The following ARHGAP26 variants were observed in gnomAD, a reference collection of about 807,000 sequenced individuals.
ARHGAP26 encodes Rho GTPase activating protein 26.
In ARHGAP26, 38 loss-of-function variants were observed where a neutral mutation model predicts 104.8. The ratio of observed to expected loss-of-function variants is 0.36; its 90% CI spans 0.28 to 0.48. The LOEUF is 0.48. Ranked by LOEUF, ARHGAP26 falls within the 20% of genes least tolerant of loss-of-function variation. The pLI, the probability that ARHGAP26 is intolerant of heterozygous loss-of-function variation, is 0.99. For missense variants in ARHGAP26, 704 were observed against 947.9 expected, an observed-to-expected ratio of 0.74 and a Z score of 3.38; for synonymous variants, 341 against 340.0, an observed-to-expected ratio of 1.00 and a Z score of -0.03.
At chr5:142,896,217 T>A (rs917054151) in intron 6 of ARHGAP26, among the ~76,000 whole-genome samples, 3 of 152,264 alleles carry the variant, frequency 2.0e-5, no homozygotes, top group Non-Finnish European at 4.4e-5. Context: ...TTTAGCATTA[T>A]TTTTATTTGC....
At position 143,147,244 on chromosome 5, in the gene ARHGAP26, C is replaced by T. The variant is rs972664912; in HGVS notation, c.1851C>T (p.Asn617=). 1.2e-6 allele frequency: 2 copies of T among 1,613,922 alleles called. No individual in the cohort carries two copies. The highest frequency in any genetic ancestry group is 1.1e-5 in the South Asian group (1 of 91,064). Residue 617 remains asparagine (N), a synonymous_variant, in exon 20 of 23, where the codon AAC becomes AAT. Coordinates refer to ENST00000645722, the MANE Select transcript of ARHGAP26 (RefSeq NM_001135608.3). Reference sequence around the variant, plus strand: ...TTTCCCCCCCAGAGGAACAAAGGAACAGCATCATCAACTCCAGTTTGGAAT... The same window carrying T: ...TTTCCCCCCCAGAGGAACAAAGGAATAGCATCATCAACTCCAGTTTGGAAT... The part of the protein sequence containing the change: ...VQSTEKQEQR[N]SIINSSLESV...
intron 17 of ARHGAP26, among the ~76,000 whole-genome samples, chr5:143,112,011 T>C (rs1456897045): frequency 6.6e-6 from 1 of 152,192 alleles, no homozygotes; most frequent in African/African-American, 2.4e-5. Flanking sequence ...TCCTTTGTTT[T>C]CCATTCAACA....
At chr5:142,992,399 G>A (rs1049822033) in intron 11 of ARHGAP26, among the ~76,000 whole-genome samples, 3 of 151,738 alleles carry the variant, frequency 2.0e-5, no homozygotes, top group Admixed American at 2.0e-4. Context: ...TTTAAGAAGT[G>A]CAGCAGTGAT....
At chr5:143,169,288 C>T (rs1158532498) in intron 20 of ARHGAP26, among the ~76,000 whole-genome samples, 1 of 152,242 alleles carries the variant, frequency 6.6e-6, no homozygotes, top group Non-Finnish European at 1.5e-5. Flanking sequence ...AACAGAAAAC[C>T]TAGCCCAAAT....
chr5:143,142,424 G>A (rs1459855122), intron 19 of ARHGAP26, among the ~76,000 whole-genome samples: 1 of 151,890 alleles, frequency 6.6e-6, no homozygotes, highest in Non-Finnish European at 1.5e-5. Context: ...ACAAGCATGA[G>A]CCACTGCGCC....
intron 14 of ARHGAP26, among the ~76,000 whole-genome samples, chr5:143,050,660 A>G (rs1370283037): frequency 6.6e-6 from 1 of 152,242 alleles, no homozygotes; most frequent in African/African-American, 2.4e-5. Flanking sequence ...ATTAAGTGGA[A>G]ACAGCCCAGA....
chr5:143,207,849 T>G (rs1307904557), intron 21 of ARHGAP26, among the ~76,000 whole-genome samples: 1 of 152,242 alleles, frequency 6.6e-6, no homozygotes, highest in Non-Finnish European at 1.5e-5. Flanking sequence ...ATTTGTGGGG[T>G]TGGGCCCCTG....
In ARHGAP26 at chr5:143,083,087, T is replaced by G. The variant is rs6870173; in HGVS notation, c.1538+25340T>G. Among the ~76,000 whole-genome samples the G allele has an allele frequency of 4.0e-3, 608 of 152,362 alleles. 5 individuals carry two copies. The highest frequency in any genetic ancestry group is 0.014 in the African/African-American group (579 of 41,584). ...ATACAGCAGTCGAAGGCAGTCTCTA[T>G]GTATCTTGGGGAAGCTAGAGCTGGA... On this transcript the variant is annotated intron_variant, in intron 17 of 22. Coordinates refer to ENST00000645722, the MANE Select transcript of ARHGAP26 (RefSeq NM_001135608.3).
intron 18 of ARHGAP26, among the ~76,000 whole-genome samples, chr5:143,121,501 C>T (rs1054462540): frequency 1.3e-5 from 2 of 152,218 alleles, no homozygotes; most frequent in African/African-American, 4.8e-5. Context: ...ATTTTGGAAA[C>T]ATGCTTTGCC....
intron 11 of ARHGAP26, among the ~76,000 whole-genome samples, chr5:142,932,889 A>G (rs777017801): frequency 5.8e-4 from 88 of 152,340 alleles, no homozygotes; most frequent in Non-Finnish European, 1.1e-3. Context: ...GGCAACATAG[A>G]TTATGTACCT....
chr5:143,216,582 T>C, intron 22 of ARHGAP26: 1 of 310,066 alleles, frequency 3.2e-6, no homozygotes. Flanking sequence ...ACATACAACA[T>C]GGTCGTCATC....
At chr5:143,085,527 A>G (rs910162439) in intron 17 of ARHGAP26, among the ~76,000 whole-genome samples, 2 of 152,234 alleles carry the variant, frequency 1.3e-5, no homozygotes, top group African/African-American at 4.8e-5. Flanking sequence ...GGAGAACGCG[A>G]CAGAGGCAAT....
intron 7 of ARHGAP26, among the ~76,000 whole-genome samples, chr5:142,902,811 G>A (rs1243060352): frequency 6.6e-6 from 1 of 152,226 alleles, no homozygotes; most frequent in Non-Finnish European, 1.5e-5. Context: ...CCTTAGGCCA[G>A]GTTTCTCAGA....
intron 1 of ARHGAP26, among the ~76,000 whole-genome samples, chr5:142,797,365 C>G (rs75158915): frequency 1.3e-5 from 2 of 152,110 alleles, no homozygotes; most frequent in Non-Finnish European, 2.9e-5. Flanking sequence ...ATGAATGTTG[C>G]AAGTAGTTTT....
In ARHGAP26 at chr5:142,832,001, C is replaced by A. The variant is rs139332396; in HGVS notation, c.155-41399C>A. 2.0e-5 allele frequency among the ~76,000 whole-genome samples: 3 copies of A among 152,290 alleles called. No homozygotes were observed. In the East Asian group the frequency reaches 5.8e-4, roughly 29 times the overall value. On this transcript the variant is annotated intron_variant, in intron 1 of 22. Transcript: ENST00000645722. ...AAGCACAGGTTTGGCCATATCATAT[C>A]CACCCCCAAATCTTCCCTTGGCTCC...
chr5:142,880,894 T>TG (rs1466694056), intron 4 of ARHGAP26, among the ~76,000 whole-genome samples: 1 of 149,582 alleles, frequency 6.7e-6, no homozygotes, highest in East Asian at 1.9e-4. Flanking sequence ...AAAGAGGGAC[T>TG]GTGGCAAAGA....
chr5:143,130,433 C>T (rs1473862498), intron 18 of ARHGAP26, among the ~76,000 whole-genome samples: 1 of 152,128 alleles, frequency 6.6e-6, no homozygotes, highest in Non-Finnish European at 1.5e-5. Flanking sequence ...TAAATCTCCC[C>T]CTTTTGTGTT....
At chr5:143,183,813 T>C (rs1406292128) in intron 20 of ARHGAP26, among the ~76,000 whole-genome samples, 1 of 152,226 alleles carries the variant, frequency 6.6e-6, no homozygotes, top group East Asian at 1.9e-4. Context: ...TCTCTGCGCC[T>C]GTCTCTGTCG....
chr5:142,983,952 A>C (rs184864993), intron 11 of ARHGAP26, among the ~76,000 whole-genome samples: 2 of 152,260 alleles, frequency 1.3e-5, no homozygotes, highest in Non-Finnish European at 2.9e-5. Context: ...AAAATCCAAC[A>C]AACAATGGCT....
Sources: gnomAD v4.1 joint callset for allele counts (sites outside exome capture counted in the v4.1 genomes callset) on GRCh38, gnomAD v4.1.1 for gene constraint, MANE v1.5 for transcripts, NCBI Gene and HGNC (gene_info 2026-07-23, HGNC 2026-07-21) for gene names.